Variants in ARHGAP10 observed in about 807,000 individuals in gnomAD.
ARHGAP10 encodes Rho GTPase activating protein 10, also known as rho GTPase-activating protein 10.
ARHGAP10 carries 87 observed loss-of-function variants against 108.6 expected under a neutral mutation model. The observed-to-expected ratio is 0.80, with a 90% CI of 0.67 to 0.96. The LOEUF (loss-of-function observed/expected upper bound fraction) is 0.96, where lower values mean the gene tolerates loss of function less well. Ranked by LOEUF, ARHGAP10 falls within the 40% of genes least tolerant of loss-of-function variation. The pLI is 0.00. For missense variants in ARHGAP10, 939 were observed against 954.5 expected, an observed-to-expected ratio of 0.98 and a Z score of 0.21; for synonymous variants, 347 against 341.1, an observed-to-expected ratio of 1.02 and a Z score of -0.19.
In ARHGAP10 at chr4:148,034,852, T is replaced by C. The variant is rs574537546; in HGVS notation, c.1867+11439T>C. 3.9e-5 allele frequency among the ~76,000 whole-genome samples: 6 copies of C among 152,304 alleles called. No homozygotes were observed. The South Asian group carries it at 8.3e-4, about 21-fold the overall frequency. On this transcript the variant is annotated intron_variant, in intron 19 of 22. Coordinates refer to ENST00000336498, the MANE Select transcript of ARHGAP10 (RefSeq NM_024605.4). The stretch of plus-strand genomic sequence containing the variant: ...AGTAGTTTTGGGTTCCCAAGAATAA[T>C]AACACATGGCTGTTATATTTTTTGT...
intron 18 of ARHGAP10, among the ~76,000 whole-genome samples, chr4:148,021,531 A>G (rs907136189): frequency 2.6e-5 from 4 of 152,232 alleles, no homozygotes; most frequent in African/African-American, 9.6e-5. Flanking sequence ...ACATATTAGT[A>G]GGTAAGCCAG....
chr4:147,995,491 A>G (rs529985093), intron 18 of ARHGAP10, among the ~76,000 whole-genome samples: 1 of 152,314 alleles, frequency 6.6e-6, no homozygotes, highest in South Asian at 2.1e-4. Context: ...ATGTTACCGT[A>G]TATTATGTTT....
At chr4:147,901,732 T>A (rs534380450) in intron 10 of ARHGAP10, among the ~76,000 whole-genome samples, 1 of 152,362 alleles carries the variant, frequency 6.6e-6, no homozygotes, top group South Asian at 2.1e-4. Flanking sequence ...TAGTCATAAC[T>A]CTTTAAGCCC....
chr4:147,979,779 T>G (rs1739741737), intron 18 of ARHGAP10, among the ~76,000 whole-genome samples: 1 of 152,232 alleles, frequency 6.6e-6, no homozygotes. Context: ...CCTGGGTTTT[T>G]GTGTAGGTGT....
chr4:147,820,131 T>G (rs1732422287), intron 1 of ARHGAP10, among the ~76,000 whole-genome samples: 2 of 151,556 alleles, frequency 1.3e-5, no homozygotes, highest in Admixed American at 1.3e-4. Flanking sequence ...GTTGGAGGAG[T>G]GGGCTAGTAA....
rs138485602 is a variant in ARHGAP10, at chr4:147,790,782, G to C, written c.155-31945G>C. Among the ~76,000 whole-genome samples, 707 of 152,176 alleles carry C rather than the reference G, an allele frequency of 4.6e-3. 2 individuals are homozygous for C. The highest frequency in any genetic ancestry group is 0.015 in the African/African-American group (606 of 41,512). On this transcript the variant is annotated intron_variant, in intron 1 of 22. Coordinates refer to ENST00000336498, the MANE Select transcript of ARHGAP10 (RefSeq NM_024605.4). ...TGTCTTTCCTTTTGGATGAAATATT[G>C]TAAACATAGTACATAGAGAATACTA...
intron 19 of ARHGAP10, among the ~76,000 whole-genome samples, chr4:148,037,171 G>A (rs1370028483): frequency 6.6e-6 from 1 of 152,174 alleles, no homozygotes; most frequent in Non-Finnish European, 1.5e-5. Context: ...GGACAAAACT[G>A]TAATCCTGCC....
chr4:147,916,034 A>G (rs894934164), intron 13 of ARHGAP10, among the ~76,000 whole-genome samples: 12 of 152,204 alleles, frequency 7.9e-5, no homozygotes, highest in African/African-American at 2.4e-4. Flanking sequence ...ACTGGATCCC[A>G]GGGGTCGAGG....
chr4:147,766,916 T>C (rs760379395), intron 1 of ARHGAP10, among the ~76,000 whole-genome samples: 2 of 150,886 alleles, frequency 1.3e-5, no homozygotes, highest in Non-Finnish European at 2.9e-5. Flanking sequence ...TAGTGTGATC[T>C]TGGCTCACTG....
intron 18 of ARHGAP10, among the ~76,000 whole-genome samples, chr4:147,995,952 C>T (rs1034458651): frequency 6.6e-6 from 1 of 152,156 alleles, no homozygotes; most frequent in Admixed American, 6.5e-5. Flanking sequence ...CTCCTGACCT[C>T]GTGATCCGCC....
intron 22 of ARHGAP10, among the ~76,000 whole-genome samples, chr4:148,070,266 G>A (rs983623820): frequency 1.3e-5 from 2 of 152,200 alleles, no homozygotes; most frequent in Non-Finnish European, 2.9e-5. Context: ...TGGAAGTGGG[G>A]GGATGCTGAA....
chr4:147,758,979 A>G (rs2126702599), intron 1 of ARHGAP10, among the ~76,000 whole-genome samples: 1 of 152,022 alleles, frequency 6.6e-6, no homozygotes. Context: ...TCTCAAAAAA[A>G]AAAAAAAAAA....
chr4:148,004,638 G>A (rs1873175), intron 18 of ARHGAP10, among the ~76,000 whole-genome samples: 10 of 152,236 alleles, frequency 6.6e-5, no homozygotes, highest in Middle Eastern at 3.4e-3. Context: ...TGAGGCAGCC[G>A]CCAGCCCATA....
At chr4:147,927,888 G>A (rs562719497) in intron 13 of ARHGAP10, among the ~76,000 whole-genome samples, 5 of 152,332 alleles carry the variant, frequency 3.3e-5, no homozygotes, top group African/African-American at 1.2e-4. Context: ...ACCTCTGGGA[G>A]AGTGTGGGGC....
chr4:147,921,100 A>AG (rs1737213779), intron 13 of ARHGAP10, among the ~76,000 whole-genome samples: 1 of 152,240 alleles, frequency 6.6e-6, no homozygotes, highest in Non-Finnish European at 1.5e-5. Context: ...TTTATAAGCG[A>AG]GGTAACTGAT....
chr4:147,915,920 A>G (rs892926396), intron 13 of ARHGAP10, among the ~76,000 whole-genome samples: 3 of 152,174 alleles, frequency 2.0e-5, no homozygotes, highest in African/African-American at 7.2e-5. Context: ...TCTGGGCAAC[A>G]TAGCATGACC....
At position 147,732,409 on chromosome 4, in the gene ARHGAP10, C is replaced by T; in HGVS notation, c.108C>T (p.Ile36=). The part of the protein sequence containing the change: ...EAELERTNKF[I]KELIKDGKNL... ...AACTCGAGAGGACCAACAAGTTCATCAAAGAGCTCATTAAGGACGGGAAGA... is the reference window on the plus strand; with the variant it reads ...AACTCGAGAGGACCAACAAGTTCATTAAAGAGCTCATTAAGGACGGGAAGA... The change falls in exon 1 of 23, where the codon ATC becomes ATT. Residue 36 remains isoleucine, a synonymous_variant. Transcript: ENST00000336498. 1 of 1,613,290 alleles carries T rather than the reference C, an allele frequency of 6.2e-7. No homozygotes were observed. Among genetic ancestry groups the T allele is most frequent in the Non-Finnish European group, 8.5e-7 (1 of 1,179,616 alleles).
intron 7 of ARHGAP10, 123 bp from the exon 8 acceptor site, chr4:147,874,898 A>C: frequency 1.8e-6 from 2 of 1,084,284 alleles, no homozygotes; most frequent in South Asian, 5.3e-5. Context: ...TATTTTGAGA[A>C]ATTTATAAAA....
At chr4:148,019,029 T>G (rs1741459876) in intron 18 of ARHGAP10, among the ~76,000 whole-genome samples, 1 of 152,246 alleles carries the variant, frequency 6.6e-6, no homozygotes, top group African/African-American at 2.4e-5. Flanking sequence ...GTAATTTATA[T>G]CCAAAATTTC....
Sources: allele counts gnomAD v4.1 joint callset (sites outside exome capture counted in the v4.1 genomes callset), GRCh38; gene constraint gnomAD v4.1.1; transcripts MANE v1.5; gene names NCBI Gene and HGNC (gene_info 2026-07-23, HGNC 2026-07-21).